The following FAT3 variants were observed in gnomAD, a reference collection of about 807,000 sequenced individuals.
The protein encoded by FAT3 is protocadherin Fat 3.
Under a neutral mutation model 310.2 loss-of-function variants are expected in FAT3, and 95 were observed. The ratio of observed to expected loss-of-function variants is 0.31; its 90% CI spans 0.26 to 0.36. The LOEUF is 0.36. FAT3 is among the 10% of genes least tolerant of loss of function. FAT3 has a pLI of 1.00. For missense variants in FAT3, 5,408 were observed against 5,715.6 expected, an observed-to-expected ratio of 0.95 and a Z score of 1.74; for synonymous variants, 2,314 against 2,192.9, an observed-to-expected ratio of 1.06 and a Z score of -1.54.
chr11:92,320,879 A>AG (rs1565224435), intron 1 of FAT3, among the ~76,000 whole-genome samples: 70 of 131,252 alleles, frequency 5.3e-4, no homozygotes, highest in African/African-American at 2.4e-3. Context: ...CAAAAAAAAA[A>AG]AGGGGGGGGT....
chr11:92,438,570 AT>A (rs1197631904), intron 2 of FAT3, among the ~76,000 whole-genome samples: 4 of 152,292 alleles, frequency 2.6e-5, no homozygotes, highest in Non-Finnish European at 1.5e-5. Context: ...TTTTAAATTC[AT>A]TTTTAATGTA....
rs555739764 is a variant in FAT3, at chr11:92,288,237, A to G, written c.-18+63063A>G. On this transcript the variant is annotated intron_variant, in intron 1 of 27. Transcript: ENST00000525166. ...AAGGAAGTCACAAAAAAACAAATCTAAAGTAGCCAAATTTATACAATCAGT... is the reference window on the plus strand; with the variant it reads ...AAGGAAGTCACAAAAAAACAAATCTGAAGTAGCCAAATTTATACAATCAGT... Among the ~76,000 whole-genome samples, 5 of 152,286 alleles carry G rather than the reference A, an allele frequency of 3.3e-5. No homozygotes were observed. The South Asian group carries it at 1.0e-3, about 32-fold the overall frequency.
intron 2 of FAT3, among the ~76,000 whole-genome samples, chr11:92,358,468 C>T (rs1038376562): frequency 1.3e-5 from 2 of 152,106 alleles, no homozygotes; most frequent in South Asian, 4.1e-4. Context: ...TGTCTTTCCT[C>T]CTTTATTATT....
intron 3 of FAT3, among the ~76,000 whole-genome samples, chr11:92,527,480 A>G (rs1010085812): frequency 1.3e-5 from 2 of 152,288 alleles, no homozygotes; most frequent in South Asian, 4.1e-4. Context: ...CTGGAAAATG[A>G]AAATGACCTT....
At chr11:92,373,418 A>G (rs972513868) in intron 2 of FAT3, among the ~76,000 whole-genome samples, 3 of 152,112 alleles carry the variant, frequency 2.0e-5, no homozygotes, top group South Asian at 2.1e-4. Context: ...GTCAAAATCC[A>G]TGGTTCTATC....
intron 19 of FAT3, among the ~76,000 whole-genome samples, chr11:92,846,934 A>G (rs183956403): frequency 1.0e-3 from 156 of 152,338 alleles, no homozygotes; most frequent in African/African-American, 3.4e-3. Context: ...GCCCAGCCCT[A>G]TCTTCAGCAG....
chr11:92,385,400 C>G lies in FAT3; in HGVS notation c.3292+29996C>G, dbSNP rs534216300. On this transcript the variant is annotated intron_variant, in intron 2 of 27. Transcript: ENST00000525166. ...TATTTATTTTTGAGACAGAATCTTG[C>G]TCTGTTGCCCAGGCTGGGGTGCAGT... is the stretch of plus-strand genomic sequence containing the variant. 1.2e-4 allele frequency among the ~76,000 whole-genome samples: 19 copies of G among 152,234 alleles called. No individual in the cohort carries two copies. In the South Asian group the frequency reaches 1.5e-3, roughly 12 times the overall value.
At chr11:92,599,840 G>T (rs142566397) in intron 3 of FAT3, among the ~76,000 whole-genome samples, 125 of 152,232 alleles carry the variant, frequency 8.2e-4, no homozygotes, top group African/African-American at 2.8e-3. Flanking sequence ...AGACTTCAAA[G>T]TACTTCTTTT....
At chr11:92,877,983 A>C (rs1446890388) in intron 22 of FAT3, among the ~76,000 whole-genome samples, 1 of 152,218 alleles carries the variant, frequency 6.6e-6, no homozygotes, top group Non-Finnish European at 1.5e-5. Flanking sequence ...TTGCTTTCAC[A>C]CCTTCATAAA....
At chr11:92,383,877 A>T (rs185558108) in intron 2 of FAT3, among the ~76,000 whole-genome samples, 157 of 152,362 alleles carry the variant, frequency 1.0e-3, no homozygotes, top group Non-Finnish European at 1.7e-3. Flanking sequence ...AATAAAATTT[A>T]AAAAGGAAAA....
chr11:92,434,842 T>A (rs138403181), intron 2 of FAT3, among the ~76,000 whole-genome samples: 1 of 152,332 alleles, frequency 6.6e-6, no homozygotes, highest in African/African-American at 2.4e-5. Context: ...TGGGCCCATA[T>A]GATCTGAAAA....
intron 13 of FAT3, among the ~76,000 whole-genome samples, chr11:92,815,150 G>A (rs867221059): frequency 7.2e-5 from 11 of 152,166 alleles, no homozygotes; most frequent in Non-Finnish European, 1.2e-4. Flanking sequence ...GAGTTTGGGG[G>A]ATGCTAATCT....
Position 92,317,280 on chromosome 11 carries a change from T to C in FAT3, c.-17-34816T>C, listed in dbSNP as rs1032331469. Among the ~76,000 whole-genome samples the C allele has an allele frequency of 3.9e-5, 6 of 152,226 alleles. No individual in the cohort carries two copies. In the East Asian group the frequency reaches 1.2e-3, roughly 29 times the overall value. ...ATATTCTTTTGTTCTAAGGAATATT[T>C]AGATTATTTTTTCTCCAGTGGAAGT... On this transcript the variant is annotated intron_variant, in intron 1 of 27. Transcript: ENST00000525166.
At chr11:92,496,026 C>T (rs1221893038) in intron 2 of FAT3, among the ~76,000 whole-genome samples, 2 of 152,008 alleles carry the variant, frequency 1.3e-5, no homozygotes, top group African/African-American at 4.8e-5. Flanking sequence ...AAAAGATGAG[C>T]ACAACCAATT....
chr11:92,805,114 T>G, intron 10 of FAT3, 39 bp from the exon 11 acceptor site: 1 of 1,590,546 alleles, frequency 6.3e-7, no homozygotes, highest in Non-Finnish European at 8.6e-7. Flanking sequence ...GACATTTCAT[T>G]GCACATCTTC....
At chr11:92,470,507 C>T (rs533396663) in intron 2 of FAT3, among the ~76,000 whole-genome samples, 4 of 152,154 alleles carry the variant, frequency 2.6e-5, no homozygotes, top group Non-Finnish European at 5.9e-5. Flanking sequence ...GTACAAATTG[C>T]CTTTCCCATC....
intron 3 of FAT3, among the ~76,000 whole-genome samples, chr11:92,659,931 A>G (rs1455192655): frequency 6.6e-6 from 1 of 152,144 alleles, no homozygotes; most frequent in African/African-American, 2.4e-5. Flanking sequence ...GGTACTAGGA[A>G]AAAATGGCTG....
intron 12 of FAT3, 94 bp downstream of exon 12, chr11:92,806,609 T>TG: frequency 3.8e-6 from 4 of 1,062,534 alleles, no homozygotes; most frequent in Middle Eastern, 3.1e-4. Flanking sequence ...TAGTTAGTAG[T>TG]ATACTTACTC....
rs1386393571 is a variant in FAT3, at chr11:92,315,636, G to A, written c.-17-36460G>A. Among the ~76,000 whole-genome samples the A allele has an allele frequency of 7.3e-5, 11 of 149,964 alleles. No homozygotes were observed. In the East Asian group the frequency reaches 1.2e-3, roughly 16 times the overall value. ...CCTTTTAGGCTCAAGTGATCCTCCC[G>A]CCTCAGCCTCCCGAGTAGCGGGGAC... On this transcript the variant is annotated intron_variant, in intron 1 of 27. Transcript: ENST00000525166.
Sources: gnomAD v4.1 joint callset for allele counts (sites outside exome capture counted in the v4.1 genomes callset) on GRCh38, gnomAD v4.1.1 for gene constraint, MANE v1.5 for transcripts, NCBI Gene and HGNC (gene_info 2026-07-23, HGNC 2026-07-21) for gene names.